Variants in SSH2 observed in about 807,000 individuals in gnomAD.
The protein encoded by SSH2 is slingshot protein phosphatase 2, also known as protein phosphatase Slingshot homolog 2.
SSH2 carries 37 observed loss-of-function variants against 135.2 expected under a neutral mutation model. That is an observed-to-expected ratio of 0.27 (90% CI 0.21 to 0.36). The LOEUF is 0.36. Ranked by LOEUF, SSH2 falls within the 10% of genes least tolerant of loss-of-function variation. The pLI is 1.00. For missense variants in SSH2, 1,408 were observed against 1,765.3 expected (o/e 0.80, Z 3.63); for synonymous variants, 628 against 646.2 (o/e 0.97, Z 0.43).
chr17:29,890,458 T>TA (rs1156903395), intron 1 of SSH2, among the ~76,000 whole-genome samples: 3 of 152,224 alleles, frequency 2.0e-5, no homozygotes, highest in Non-Finnish European at 4.4e-5. Context: ...TATTTGGCCA[T>TA]AAAAAGGAAT....
chr17:29,698,644 C>T (rs1039079450), intron 4 of SSH2, among the ~76,000 whole-genome samples: 1 of 151,974 alleles, frequency 6.6e-6, no homozygotes, highest in African/African-American at 2.4e-5. Context: ...AGGTGTTGTG[C>T]ACCACAACGC....
intron 3 of SSH2, among the ~76,000 whole-genome samples, chr17:29,789,679 G>A (rs897709997): frequency 3.9e-5 from 6 of 152,170 alleles, no homozygotes; most frequent in African/African-American, 1.4e-4. Context: ...GAGCCCTGTG[G>A]ATGGCACTCC....
chr17:29,729,043 C>A (rs1392133923), intron 3 of SSH2, among the ~76,000 whole-genome samples: 2 of 152,054 alleles, frequency 1.3e-5, no homozygotes, highest in Admixed American at 1.3e-4. Flanking sequence ...AATGGACAAA[C>A]AGGATCACAT....
intron 6 of SSH2, among the ~76,000 whole-genome samples, chr17:29,684,270 T>G (rs972229119): frequency 6.6e-6 from 1 of 152,016 alleles, no homozygotes; most frequent in Non-Finnish European, 1.5e-5. Flanking sequence ...TCACTTGAGG[T>G]CAGGAGTTTG....
intron 1 of SSH2, among the ~76,000 whole-genome samples, chr17:29,856,500 A>T (rs541736677): frequency 1.3e-5 from 2 of 152,200 alleles, no homozygotes; most frequent in Non-Finnish European, 2.9e-5. Context: ...ATTTGAGCCC[A>T]GGAGGTTGAG....
chr17:29,769,289 G>T (rs946799114), intron 3 of SSH2, among the ~76,000 whole-genome samples: 1 of 152,052 alleles, frequency 6.6e-6, no homozygotes, highest in Non-Finnish European at 1.5e-5. Context: ...AAACTGAAAA[G>T]GTCTATTGCC....
intron 3 of SSH2, among the ~76,000 whole-genome samples, chr17:29,737,289 C>CA (rs1394650800): frequency 1.3e-5 from 2 of 152,034 alleles, no homozygotes; most frequent in Non-Finnish European, 2.9e-5. Flanking sequence ...AACAGCTTAA[C>CA]AGTCTTCTGA....
chr17:29,684,051 A>G (rs2038101299), intron 6 of SSH2, among the ~76,000 whole-genome samples: 1 of 152,226 alleles, frequency 6.6e-6, no homozygotes, highest in African/African-American at 2.4e-5. Context: ...GTATGGAATA[A>G]TGGTAAATTG....
chr17:29,778,835 CAAAAAAAAAA>C (rs60595591), intron 3 of SSH2, among the ~76,000 whole-genome samples: 27 of 37,866 alleles, frequency 7.1e-4, no homozygotes, highest in African/African-American at 2.8e-3. Flanking sequence ...CTCCGTCTCC[CAAAAAAAAAA>C]AAAAAAAAAA....
intron 3 of SSH2, among the ~76,000 whole-genome samples, chr17:29,749,209 T>C (rs1188042514): frequency 6.6e-6 from 1 of 152,210 alleles, no homozygotes; most frequent in East Asian, 1.9e-4. Flanking sequence ...AGCCCACTAG[T>C]ATCGCACTAC....
intron 3 of SSH2, among the ~76,000 whole-genome samples, chr17:29,785,789 G>A (rs1458179422): frequency 6.7e-6 from 1 of 148,434 alleles, no homozygotes; most frequent in Non-Finnish European, 1.5e-5. Flanking sequence ...GCGAGTCACC[G>A]CGCCCAGTCC....
At chr17:29,673,893 T>A (rs1312026403) in intron 8 of SSH2, 1 of 331,700 alleles carries the variant, frequency 3.0e-6, no homozygotes, top group Non-Finnish European at 6.0e-6. Flanking sequence ...GATATAGATG[T>A]ACCATAATTT....
chr17:29,736,786 C>CAAA (rs1194959594), intron 3 of SSH2, among the ~76,000 whole-genome samples: 500 of 10,206 alleles, frequency 0.049, 136 homozygotes, highest in Middle Eastern at 0.17. Context: ...GACTCTGTCT[C>CAAA]AAAAAAAAAA....
intron 3 of SSH2, among the ~76,000 whole-genome samples, chr17:29,758,154 G>C (rs2617874): frequency 0.61 from 93,278 of 152,118 alleles, 30,992 homozygotes; most frequent in African/African-American, 0.88. Context: ...GTCTTAGTAG[G>C]AAAACTCAGT....
At chr17:29,637,749 C>T (rs1229796787) in intron 14 of SSH2, among the ~76,000 whole-genome samples, 1 of 151,280 alleles carries the variant, frequency 6.6e-6, no homozygotes, top group African/African-American at 2.4e-5. Flanking sequence ...GCCACTGCAC[C>T]CAGCCTGGGT....
intron 2 of SSH2, among the ~76,000 whole-genome samples, chr17:29,834,421 C>A (rs2042910157): frequency 1.3e-5 from 2 of 151,966 alleles, no homozygotes; most frequent in Admixed American, 1.3e-4. Flanking sequence ...TCATTTATCC[C>A]ATAAATATAT....
chr17:29,716,390 T>C (rs1158639711), intron 3 of SSH2: 2 of 544,160 alleles, frequency 3.7e-6, no homozygotes, highest in Non-Finnish European at 6.8e-6. Flanking sequence ...AATACACACA[T>C]TAATTAGAGT....
intron 1 of SSH2, among the ~76,000 whole-genome samples, chr17:29,926,804 A>G (rs1039637259): frequency 6.6e-6 from 1 of 152,056 alleles, no homozygotes; most frequent in African/African-American, 2.4e-5. Context: ...GGTGTACACA[A>G]TTTCTCTTCA....
chr17:29,690,399 T>A (rs1362387361), intron 5 of SSH2, among the ~76,000 whole-genome samples: 1 of 144,698 alleles, frequency 6.9e-6, no homozygotes, highest in Non-Finnish European at 1.5e-5. Flanking sequence ...AGTGAAACTC[T>A]GTCTCAAAAA....
Sources: allele counts gnomAD v4.1 joint callset (sites outside exome capture counted in the v4.1 genomes callset), GRCh38; gene constraint gnomAD v4.1.1; transcripts MANE v1.5; gene names NCBI Gene and HGNC (gene_info 2026-07-23, HGNC 2026-07-21).